CTNNAL1: variants seen among roughly 807,000 people sequenced by gnomAD.
CTNNAL1 encodes the protein alpha-catulin.
Under a neutral mutation model 93.6 loss-of-function variants are expected in CTNNAL1, and 69 were observed. The observed-to-expected ratio is 0.74, with a 90% CI of 0.61 to 0.90. The LOEUF (loss-of-function observed/expected upper bound fraction) is 0.90. Among genes scored for constraint, CTNNAL1 ranks in the 40% least tolerant of loss-of-function variants. The pLI, the probability that CTNNAL1 is intolerant of heterozygous loss-of-function variation, is 0.00. For missense variants in CTNNAL1, 836 were observed against 862.0 expected (o/e 0.97, Z 0.38); for synonymous variants, 286 against 305.4 (o/e 0.94, Z 0.66).
chr9:109,012,822 C>G (rs536626885), intron 1 of CTNNAL1, among the ~76,000 whole-genome samples: 1 of 152,132 alleles, frequency 6.6e-6, no homozygotes, highest in Non-Finnish European at 1.5e-5. Flanking sequence ...GCGGGGAGGC[C>G]GGGAGGAATA....
chr9:108,942,701 G>T lies in CTNNAL1; in HGVS notation c.*68C>A. On this transcript the variant is annotated 3_prime_UTR_variant, in exon 19 of 19. Coordinates refer to ENST00000325551, the MANE Select transcript of CTNNAL1 (RefSeq NM_003798.4). ...TTGATGAATTTCTGAAAAGATAAAG[G>T]ATCATTTGATTTTTAAAAATGTCAG... 1 of 1,014,824 alleles carries T rather than the reference G, an allele frequency of 9.9e-7. No homozygotes were observed. The allele number at this position is 1,014,824 out of a possible 1,614,324, so 62.9% of individuals were successfully genotyped here.
intron 10 of CTNNAL1, among the ~76,000 whole-genome samples, chr9:108,967,473 A>G (rs1471048128): frequency 6.6e-6 from 1 of 152,226 alleles, no homozygotes; most frequent in Non-Finnish European, 1.5e-5. Context: ...TGCTGGGGAA[A>G]CAGCTGTGAA....
intron 2 of CTNNAL1, among the ~76,000 whole-genome samples, chr9:108,995,927 G>A (rs1157606163): frequency 6.6e-6 from 1 of 151,586 alleles, no homozygotes; most frequent in Non-Finnish European, 1.5e-5. Context: ...AGAAGCACTA[G>A]GATTAAAGTC....
intron 1 of CTNNAL1, among the ~76,000 whole-genome samples, chr9:109,005,979 A>C (rs1827013924): frequency 1.3e-5 from 2 of 152,216 alleles, no homozygotes; most frequent in Non-Finnish European, 2.9e-5. Flanking sequence ...TCAATATGTA[A>C]CATTCTTTAT....
At position 108,965,433 on chromosome 9, in the gene CTNNAL1, A is replaced by G; in HGVS notation, c.1536T>C (p.Ile512=). 1 of 1,595,588 alleles carries G rather than the reference A, an allele frequency of 6.3e-7. No homozygotes were observed. Among genetic ancestry groups the G allele is most frequent in the Non-Finnish European group, 8.5e-7 (1 of 1,171,678 alleles). Residue 512 remains isoleucine (I), a synonymous_variant, in exon 11 of 19, where the codon ATT becomes ATC. Transcript: ENST00000325551. ...DVFCEAWESQ[I]SDMSTLLREI... ...CTCTCAGCAGTGTTGACATGTCACT[A>G]ATTTGGGATTCCCAAGCTTCACAAA...
At chr9:108,990,374 A>G (rs1831753629) in intron 4 of CTNNAL1, among the ~76,000 whole-genome samples, 1 of 152,240 alleles carries the variant, frequency 6.6e-6, no homozygotes, top group South Asian at 2.1e-4. Context: ...ATAAGAATAC[A>G]TATGATGACT....
At chr9:109,008,152 C>CTTTTT (rs149753320) in intron 1 of CTNNAL1, among the ~76,000 whole-genome samples, 535 of 85,276 alleles carry the variant, frequency 6.3e-3, no homozygotes, top group Non-Finnish European at 9.1e-3. Flanking sequence ...ATCCATCTTT[C>CTTTTT]TTTTTTTTTT....
chr9:108,991,979 T>C (rs1831823102), intron 3 of CTNNAL1: 1 of 720,074 alleles, frequency 1.4e-6, no homozygotes, highest in African/African-American at 1.7e-5. Flanking sequence ...CAGTAACATT[T>C]AGGGACTCTG....
At chr9:109,000,571 T>C (rs1826768555) in intron 1 of CTNNAL1, among the ~76,000 whole-genome samples, 2 of 152,156 alleles carry the variant, frequency 1.3e-5, no homozygotes, top group Admixed American at 6.6e-5. Flanking sequence ...AGTATCTGTG[T>C]AGCTACCTGA....
chr9:109,007,333 T>C (rs1219667257), intron 1 of CTNNAL1, among the ~76,000 whole-genome samples: 1 of 152,000 alleles, frequency 6.6e-6, no homozygotes, highest in East Asian at 1.9e-4. Context: ...ATCGACAACA[T>C]AACTGCAACA....
intron 8 of CTNNAL1, 31 bp from the exon 9 acceptor site, chr9:108,972,864 G>GGGGGGGGGGGGGGCCCCCCCCCC: frequency 9.8e-5 from 14 of 142,490 alleles, no homozygotes; most frequent in East Asian, 2.2e-4. Context: ...GGGGGGGTGG[G>GGGGGGGGGGGGGGCCCCCCCCCC]AGGGTGGAGA....
chr9:108,986,897 T>A (rs1249219706), intron 4 of CTNNAL1, among the ~76,000 whole-genome samples: 1 of 152,236 alleles, frequency 6.6e-6, no homozygotes, highest in Non-Finnish European at 1.5e-5. Context: ...CTTGTAAATT[T>A]GTTTGAGTTC....
At chr9:108,972,864 G>GGCCGCCCCCCC in intron 8 of CTNNAL1, 31 bp from the exon 9 acceptor site, 1 of 142,588 alleles carries the variant, frequency 7.0e-6, no homozygotes, top group Non-Finnish European at 1.0e-5. Context: ...GGGGGGGTGG[G>GGCCGCCCCCCC]AGGGTGGAGA....
At chr9:108,953,502 A>C (rs964649157) in intron 12 of CTNNAL1, among the ~76,000 whole-genome samples, 1 of 147,176 alleles carries the variant, frequency 6.8e-6, no homozygotes, top group African/African-American at 2.4e-5. Flanking sequence ...ATACCTGCAC[A>C]CACAGTATAA....
chr9:109,005,425 C>G (rs1416376919), intron 1 of CTNNAL1, among the ~76,000 whole-genome samples: 1 of 152,116 alleles, frequency 6.6e-6, no homozygotes, highest in Non-Finnish European at 1.5e-5. Context: ...ATCCTAACCC[C>G]CAATGTGATG....
At position 108,945,179 on chromosome 9, in the gene CTNNAL1, A is replaced by G. The variant is rs1234194210; in HGVS notation, c.1885-1161T>C. ...ATCCTGACATCAGTCTTGTACAGTC[A>G]TCCCTCAGTATCCATGGGAGATTGG... On this transcript the variant is annotated intron_variant, in intron 15 of 18. Transcript: ENST00000325551. Among the ~76,000 whole-genome samples, 4 of 152,310 alleles carry G rather than the reference A, an allele frequency of 2.6e-5. No homozygotes were observed. The South Asian group carries it at 6.2e-4, about 24-fold the overall frequency.
intron 14 of CTNNAL1, among the ~76,000 whole-genome samples, chr9:108,949,355 A>G (rs1830493478): frequency 6.6e-6 from 1 of 152,174 alleles, no homozygotes; most frequent in South Asian, 2.1e-4. Context: ...AAAAATACTG[A>G]GCATGCCATC....
At chr9:108,983,450 C>T (rs1587971888) in intron 5 of CTNNAL1, 135 bp from the exon 6 acceptor site, 2 of 990,368 alleles carry the variant, frequency 2.0e-6, no homozygotes, top group African/African-American at 3.4e-5. Flanking sequence ...CACTCAGCTG[C>T]TTCTCCTCAC....
intron 1 of CTNNAL1, among the ~76,000 whole-genome samples, chr9:109,004,188 T>C (rs898827302): frequency 6.6e-6 from 1 of 152,184 alleles, no homozygotes; most frequent in Non-Finnish European, 1.5e-5. Context: ...CAAAGGTGCT[T>C]ATTTAAGGTC....
Sources: allele counts gnomAD v4.1 joint callset (sites outside exome capture counted in the v4.1 genomes callset), GRCh38; gene constraint gnomAD v4.1.1; transcripts MANE v1.5; gene names NCBI Gene and HGNC (gene_info 2026-07-23, HGNC 2026-07-21).